BCL2A1: variants seen among roughly 807,000 people sequenced by gnomAD.
BCL2A1 encodes the protein bcl-2-related protein A1.
A neutral mutation model predicts 14.4 loss-of-function variants in BCL2A1; 10 were observed. That is an observed-to-expected ratio of 0.69 (90% CI 0.43 to 1.18). The LOEUF is 1.18. Ranked by LOEUF, BCL2A1 falls within the 50% of genes most tolerant of loss-of-function variation. The probability of loss-of-function intolerance (pLI) is 0.00; values close to 1 mark genes in which losing one functional copy is unlikely to be tolerated. For synonymous variants in BCL2A1, 71 were observed against 76.5 expected, an observed-to-expected ratio of 0.93 and a Z score of 0.38; for missense variants, 158 against 205.0, an observed-to-expected ratio of 0.77 and a Z score of 1.40.
Position 79,961,083 on chromosome 15 carries a change from A to G in BCL2A1, c.512T>C (p.Leu171Pro). The change falls in exon 2 of 2, where the codon CTG becomes CCG. Residue 171 changes from leucine to proline, a missense_variant. Transcript: ENST00000267953. Reference protein sequence around the residue: ...TGKICEMLSLLKQYC With the variant: ...TGKICEMLSLPKQYC ...CCTTTCTGGTCAACAGTATTGCTTC[A>G]GGAGAGATAGCATTTCACAGATCTT... is the stretch of plus-strand genomic sequence containing the variant. 6.2e-7 allele frequency: 1 copy of G among 1,614,142 alleles called. No homozygotes were observed. Among genetic ancestry groups the G allele is most frequent in the Non-Finnish European group, 8.5e-7 (1 of 1,179,982 alleles).
intron 1 of BCL2A1, among the ~76,000 whole-genome samples, chr15:79,969,890 C>T (rs1213458900): frequency 6.6e-6 from 1 of 152,072 alleles, no homozygotes; most frequent in Non-Finnish European, 1.5e-5. Flanking sequence ...GATCAATGAA[C>T]ACTTAAGTGC....
intron 1 of BCL2A1, among the ~76,000 whole-genome samples, chr15:79,967,254 C>T (rs1053380199): frequency 8.0e-5 from 11 of 137,110 alleles, no homozygotes; most frequent in Non-Finnish European, 1.7e-4. Context: ...GATGGAGTCA[C>T]TCTGTTGCCC....
At chr15:79,962,333 T>G (rs2035497206) in intron 1 of BCL2A1, among the ~76,000 whole-genome samples, 1 of 152,180 alleles carries the variant, frequency 6.6e-6, no homozygotes, top group South Asian at 2.1e-4. Context: ...GAAAGCCATT[T>G]TCTGCCTACG....
rs551340828 is a variant in BCL2A1 at position 79,971,057 on chromosome 15, T to C, written c.63A>G (p.Leu21=). 1.6e-5 allele frequency: 26 copies of C among 1,614,176 alleles called. 1 individual carries two copies. The South Asian group carries it at 2.7e-4, about 17-fold the overall frequency. The change falls in exon 1 of 2, where the codon CTA becomes CTG. Residue 21 remains leucine (L), a synonymous_variant. Transcript: ENST00000267953. The part of the protein sequence containing the change: ...RLAQDYLQCV[L]QIPQPGSGPS... ...GACCTGATCCAGGTTGTGGTATCTG[T>C]AGGACGCACTGCAGATAGTCCTGAG...
At chr15:79,966,637 C>T (rs551570014) in intron 1 of BCL2A1, among the ~76,000 whole-genome samples, 4 of 152,316 alleles carry the variant, frequency 2.6e-5, no homozygotes, top group Non-Finnish European at 5.9e-5. Context: ...AAGAACCATC[C>T]TTTCCTTATG....
intron 1 of BCL2A1, among the ~76,000 whole-genome samples, chr15:79,969,211 C>G (rs1337815639): frequency 1.3e-5 from 2 of 152,074 alleles, no homozygotes; most frequent in African/African-American, 2.4e-5. Context: ...TTGCAGCAAC[C>G]TACTGTTAGT....
intron 1 of BCL2A1, among the ~76,000 whole-genome samples, chr15:79,962,185 A>G (rs1054000019): frequency 1.3e-5 from 2 of 152,224 alleles, no homozygotes; most frequent in African/African-American, 4.8e-5. Context: ...TAATATTGAA[A>G]TGTAAACCGA....
At chr15:79,970,229 T>C (rs2035580982) in intron 1 of BCL2A1, among the ~76,000 whole-genome samples, 1 of 152,138 alleles carries the variant, frequency 6.6e-6, no homozygotes, top group Non-Finnish European at 1.5e-5. Context: ...AAAACACCAA[T>C]TTGTAAGCGA....
intron 1 of BCL2A1, among the ~76,000 whole-genome samples, chr15:79,962,591 A>G (rs996665091): frequency 2.6e-5 from 4 of 152,180 alleles, no homozygotes; most frequent in African/African-American, 7.2e-5. Flanking sequence ...TCTATTGCCC[A>G]GGCTGGAGTG....
rs564836244 is a variant in BCL2A1, at chr15:79,968,663, GC to G, written c.420+2036del. ...TACATAAAAATAATTTGGGTGCATG[GC>G]TCACGCCTGTGATCCCATCACTTTG... is the stretch of plus-strand genomic sequence containing the variant. On this transcript the variant is annotated intron_variant, in intron 1 of 1. Coordinates refer to ENST00000267953, the MANE Select transcript of BCL2A1 (RefSeq NM_004049.4). Among the ~76,000 whole-genome samples the G allele has an allele frequency of 5.9e-5, 9 of 152,368 alleles. No homozygotes were observed. In the East Asian group the frequency reaches 1.7e-3, roughly 29 times the overall value.
chr15:79,963,004 C>T (rs2035505523), intron 1 of BCL2A1, among the ~76,000 whole-genome samples: 1 of 150,382 alleles, frequency 6.6e-6, no homozygotes, highest in Admixed American at 6.6e-5. Flanking sequence ...TTTTTTGAGT[C>T]AAAGTCTTGC....
At chr15:79,965,960 GA>G (rs398057861) in intron 1 of BCL2A1, among the ~76,000 whole-genome samples, 1,705 of 93,468 alleles carry the variant, frequency 0.018, 23 homozygotes, top group East Asian at 0.075. Flanking sequence ...GGATGACAAA[GA>G]AAAAAAAAAA....
chr15:79,968,451 C>A (rs2035564683), intron 1 of BCL2A1, among the ~76,000 whole-genome samples: 1 of 152,108 alleles, frequency 6.6e-6, no homozygotes, highest in African/African-American at 2.4e-5. Flanking sequence ...GAACTAAGTT[C>A]CAGGAAGAAG....
Position 79,971,067 on chromosome 15 carries a change from T to A in BCL2A1, c.53A>T (p.Gln18Leu). The change falls in exon 1 of 2, where the codon CAG becomes CTG. Residue 18 changes from glutamine to leucine, a missense_variant. Coordinates refer to ENST00000267953, the MANE Select transcript of BCL2A1 (RefSeq NM_004049.4). ...YIYRLAQDYL[Q>L]CVLQIPQPGS... is the part of the protein sequence containing the mutation. Reference sequence around the variant, plus strand: ...AGGTTGTGGTATCTGTAGGACGCACTGCAGATAGTCCTGAGCCAGCCTGTA... The same window carrying A: ...AGGTTGTGGTATCTGTAGGACGCACAGCAGATAGTCCTGAGCCAGCCTGTA... 1 of 1,614,216 alleles carries A rather than the reference T, an allele frequency of 6.2e-7. No individual in the cohort carries two copies.
chr15:79,965,293 A>G (rs2035530472), intron 1 of BCL2A1, among the ~76,000 whole-genome samples: 1 of 151,978 alleles, frequency 6.6e-6, no homozygotes, highest in Non-Finnish European at 1.5e-5. Context: ...ACGCCCAGCT[A>G]ATTTTTTGTA....
intron 1 of BCL2A1, among the ~76,000 whole-genome samples, chr15:79,967,887 A>G (rs1400067720): frequency 6.6e-6 from 1 of 151,998 alleles, no homozygotes; most frequent in East Asian, 1.9e-4. Flanking sequence ...TTCCAAGAGT[A>G]TTTATTTCAT....
intron 1 of BCL2A1, among the ~76,000 whole-genome samples, chr15:79,961,651 T>C (rs866327934): frequency 1.3e-5 from 2 of 152,148 alleles, no homozygotes; most frequent in Admixed American, 1.3e-4. Context: ...ATATTTGTAA[T>C]ATGAATTATA....
At chr15:79,963,971 A>T (rs1278894211) in intron 1 of BCL2A1, among the ~76,000 whole-genome samples, 1 of 151,444 alleles carries the variant, frequency 6.6e-6, no homozygotes, top group African/African-American at 2.4e-5. Flanking sequence ...ACAGGAAAAA[A>T]CTCTTGTGCA....
At chr15:79,962,358 C>T (rs1350041370) in intron 1 of BCL2A1, among the ~76,000 whole-genome samples, 1 of 152,114 alleles carries the variant, frequency 6.6e-6, no homozygotes, top group Non-Finnish European at 1.5e-5. Context: ...AAGTGTACAT[C>T]GTGCTCTGAG....
Sources: allele counts gnomAD v4.1 joint callset (sites outside exome capture counted in the v4.1 genomes callset), GRCh38; gene constraint gnomAD v4.1.1; transcripts MANE v1.5; gene names NCBI Gene and HGNC (gene_info 2026-07-23, HGNC 2026-07-21).